ITGB3BP: variants seen among roughly 807,000 people sequenced by gnomAD.
The protein encoded by ITGB3BP is integrin subunit beta 3 binding protein, also known as centromere protein R.
ITGB3BP carries 27 observed loss-of-function variants against 29.1 expected under a neutral mutation model. That is an observed-to-expected ratio of 0.93 (90% CI 0.68 to 1.28). The LOEUF (loss-of-function observed/expected upper bound fraction) is 1.28. ITGB3BP is among the 50% of genes most tolerant of loss of function. The pLI is 0.00. For synonymous variants in ITGB3BP, 61 were observed against 61.4 expected, an observed-to-expected ratio of 0.99 and a Z score of 0.03; for missense variants, 192 against 200.2, an observed-to-expected ratio of 0.96 and a Z score of 0.25.
chr1:63,495,019 C>T (rs779785527), intron 2 of ITGB3BP, among the ~76,000 whole-genome samples: 14 of 152,142 alleles, frequency 9.2e-5, no homozygotes, highest in Non-Finnish European at 1.6e-4. Flanking sequence ...ATTGCCCAAG[C>T]TTGTCCCAAA....
chr1:63,446,954 A>C, intron 7 of ITGB3BP, 98 bp from the exon 8 acceptor site: 2 of 851,368 alleles, frequency 2.3e-6, no homozygotes, highest in Non-Finnish European at 1.9e-6. Context: ...AAATGAAATT[A>C]AAACAACCTG....
intron 2 of ITGB3BP, among the ~76,000 whole-genome samples, chr1:63,505,172 A>T (rs889252235): frequency 1.3e-5 from 2 of 152,128 alleles, no homozygotes; most frequent in African/African-American, 4.8e-5. Flanking sequence ...GCTAATAATT[A>T]TTGCCTCAAT....
At chr1:63,453,749 A>G in intron 7 of ITGB3BP, 169 bp downstream of exon 7, 1 of 529,268 alleles carries the variant, frequency 1.9e-6, no homozygotes, top group Non-Finnish European at 3.3e-6. Flanking sequence ...GCTAAATGCA[A>G]TATAAAGCTT....
At chr1:63,517,643 G>C (rs1328527111) in intron 1 of ITGB3BP, among the ~76,000 whole-genome samples, 1 of 152,082 alleles carries the variant, frequency 6.6e-6, no homozygotes, top group Non-Finnish European at 1.5e-5. Flanking sequence ...AAATTGTTCT[G>C]AAAATTGTTT....
At chr1:63,500,995 A>C (rs1255906567) in intron 2 of ITGB3BP, among the ~76,000 whole-genome samples, 1 of 152,242 alleles carries the variant, frequency 6.6e-6, no homozygotes, top group Non-Finnish European at 1.5e-5. Context: ...GGAATTCTGA[A>C]ATAAATGCAT....
chr1:63,520,104 TAGA>T (rs1280711732), intron 1 of ITGB3BP, among the ~76,000 whole-genome samples: 2 of 151,944 alleles, frequency 1.3e-5, no homozygotes, highest in African/African-American at 2.4e-5. Context: ...AAAGAAAAGG[TAGA>T]AGAAGAAAAA....
intron 2 of ITGB3BP, among the ~76,000 whole-genome samples, chr1:63,493,420 A>AAAC (rs1645709157): frequency 1.0e-5 from 1 of 97,842 alleles, no homozygotes; most frequent in African/African-American, 5.5e-5. Flanking sequence ...GTCTCAAAAA[A>AAAC]CAAACAAACA....
intron 4 of ITGB3BP, among the ~76,000 whole-genome samples, chr1:63,458,944 T>C (rs1335339226): frequency 1.3e-5 from 2 of 152,210 alleles, no homozygotes; most frequent in African/African-American, 4.8e-5. Context: ...TTTTCCATGA[T>C]TCATCAGTTA....
upstream of ITGB3BP, among the ~76,000 whole-genome samples, chr1:63,528,213 G>A (rs148559334): frequency 2.4e-3 from 369 of 152,278 alleles, 3 homozygotes; most frequent in Middle Eastern, 6.8e-3. Flanking sequence ...AATAAAAAAA[G>A]TGGTACATAT....
chr1:63,480,226 A>C (rs2100633123), intron 3 of ITGB3BP, among the ~76,000 whole-genome samples: 1 of 152,284 alleles, frequency 6.6e-6, no homozygotes, highest in African/African-American at 2.4e-5. Flanking sequence ...CTAAGTCATA[A>C]TCCTTCATAT....
At chr1:63,504,144 A>G (rs1420094212) in intron 2 of ITGB3BP, among the ~76,000 whole-genome samples, 1 of 151,906 alleles carries the variant, frequency 6.6e-6, no homozygotes, top group African/African-American at 2.4e-5. Context: ...CCTACCCATG[A>G]GCATGGAATG....
intron 3 of ITGB3BP, among the ~76,000 whole-genome samples, chr1:63,487,112 G>A (rs1040162131): frequency 6.6e-6 from 1 of 151,972 alleles, no homozygotes; most frequent in East Asian, 1.9e-4. Flanking sequence ...ATTTGTGTAT[G>A]TTTTATGGTA....
intron 3 of ITGB3BP, among the ~76,000 whole-genome samples, chr1:63,480,490 G>T (rs1026566571): frequency 6.6e-6 from 1 of 152,006 alleles, no homozygotes; most frequent in African/African-American, 2.4e-5. Flanking sequence ...GTTTATGAAT[G>T]AACAAGCAAA....
chr1:63,527,633 A>G (rs1217830629), upstream of ITGB3BP, among the ~76,000 whole-genome samples: 4 of 152,190 alleles, frequency 2.6e-5, no homozygotes, highest in Non-Finnish European at 5.9e-5. Flanking sequence ...ACTATCATCA[A>G]ACTTAATCAT....
chr1:63,508,105 G>T (rs1557651979), intron 2 of ITGB3BP, among the ~76,000 whole-genome samples: 1 of 152,158 alleles, frequency 6.6e-6, no homozygotes, highest in Non-Finnish European at 1.5e-5. Flanking sequence ...CAGCATAGCT[G>T]AGGAAGGTAA....
intron 3 of ITGB3BP, 149 bp from the exon 4 acceptor site, chr1:63,478,982 T>G (rs1279863832): frequency 2.7e-6 from 1 of 376,000 alleles, no homozygotes; most frequent in Non-Finnish European, 4.7e-6. Flanking sequence ...ATTTTGTTTT[T>G]TTTCATTTCC....
In ITGB3BP at chr1:63,440,785, T is replaced by C. The variant is rs1369950552; in HGVS notation, c.*320A>G. ...CTACCAAAGGTGCCACTTTTATACA[T>C]GCTTTATTAAGTCTACCCACAAATG... On this transcript the variant is annotated 3_prime_UTR_variant, in exon 9 of 9. Coordinates refer to ENST00000271002, the MANE Select transcript of ITGB3BP (RefSeq NM_014288.5). 6.6e-6 allele frequency: 1 copy of C among 152,642 alleles called. No homozygotes were observed. Among genetic ancestry groups the C allele is most frequent in the Non-Finnish European group, 1.5e-5 (1 of 68,038 alleles). The allele number at this position is 152,642 out of a possible 1,614,324, so 9.5% of individuals were successfully genotyped here. A position where few individuals can be genotyped will look rare whatever the true frequency, so the allele number is the denominator to read the frequency against.
At chr1:63,464,866 C>T (rs535887257) in intron 4 of ITGB3BP, among the ~76,000 whole-genome samples, 23 of 151,808 alleles carry the variant, frequency 1.5e-4, no homozygotes, top group African/African-American at 4.3e-4. Context: ...TGAGGAATGA[C>T]GTACAAAAAA....
rs897115007 is a variant in ITGB3BP, at chr1:63,503,956, G to A, written c.48+4572C>T. The stretch of plus-strand genomic sequence containing the variant: ...TGAAGTCAGGTAGCGTGATGCCTCT[G>A]GCTTTGTTCTTTTGGCTTAGGATTG... On this transcript the variant is annotated intron_variant, in intron 2 of 8. Coordinates refer to ENST00000271002, the MANE Select transcript of ITGB3BP (RefSeq NM_014288.5). Among the ~76,000 whole-genome samples the A allele has an allele frequency of 1.2e-4, 18 of 150,388 alleles. 1 individual carries two copies. Among genetic ancestry groups the A allele is most frequent in the African/African-American group, 4.0e-4 (16 of 39,930 alleles).
Sources: allele counts gnomAD v4.1 joint callset (sites outside exome capture counted in the v4.1 genomes callset), GRCh38; gene constraint gnomAD v4.1.1; transcripts MANE v1.5; gene names NCBI Gene and HGNC (gene_info 2026-07-23, HGNC 2026-07-21).